The following EXOC6B variants were observed in gnomAD, a reference collection of about 807,000 sequenced individuals.
EXOC6B encodes the protein exocyst complex component 6B, also known as SEC15 homolog B.
Under a neutral mutation model 113.5 loss-of-function variants are expected in EXOC6B, and 54 were observed. The ratio of observed to expected loss-of-function variants is 0.48; its 90% CI spans 0.38 to 0.60. The LOEUF is 0.60. EXOC6B is among the 20% of genes least tolerant of loss of function. EXOC6B has a pLI of 0.00. For synonymous variants in EXOC6B, 357 were observed against 339.0 expected, an observed-to-expected ratio of 1.05 and a Z score of -0.58; for missense variants, 797 against 977.5, an observed-to-expected ratio of 0.82 and a Z score of 2.46.
In EXOC6B at chr2:72,404,457, C is replaced by A. The variant is rs545807367; in HGVS notation, c.1981-24587G>T. Among the ~76,000 whole-genome samples the A allele has an allele frequency of 4.8e-4, 73 of 152,306 alleles. 1 individual carries two copies. Among genetic ancestry groups the A allele is most frequent in the Middle Eastern group, 3.4e-3 (1 of 294 alleles). On this transcript the variant is annotated intron_variant, in intron 18 of 21. Transcript: ENST00000272427. ...GAGTAGCCTAACTGGAAGGCACCCC[C>A]CAGTAGGGGCAGACTGACACCTCAC...
chr2:72,745,660 A>G (rs919966946), intron 1 of EXOC6B, among the ~76,000 whole-genome samples: 6 of 152,218 alleles, frequency 3.9e-5, no homozygotes, highest in African/African-American at 1.4e-4. Flanking sequence ...GTTACCAAAT[A>G]GGTTAAAAAC....
At position 72,596,213 on chromosome 2, in the gene EXOC6B, A is replaced by C. The variant is rs896460893; in HGVS notation, c.670-20545T>G. Among the ~76,000 whole-genome samples the C allele has an allele frequency of 3.9e-5, 6 of 152,218 alleles. No individual in the cohort carries two copies. The South Asian group carries it at 8.3e-4, about 21-fold the overall frequency. ...ACAACAAGAAAAAAGATGAAAAACT[A>C]GAAAACTCTTCTCAGATCCATCAGA... On this transcript the variant is annotated intron_variant, in intron 6 of 21. Coordinates refer to ENST00000272427, the MANE Select transcript of EXOC6B (RefSeq NM_015189.3).
chr2:72,627,181 C>T (rs1220392364), intron 6 of EXOC6B, among the ~76,000 whole-genome samples: 1 of 152,130 alleles, frequency 6.6e-6, no homozygotes, highest in Non-Finnish European at 1.5e-5. Context: ...AAATCAGTGT[C>T]TTGTTTTTCT....
At chr2:72,580,784 C>T (rs1405609101) in intron 6 of EXOC6B, among the ~76,000 whole-genome samples, 1 of 152,196 alleles carries the variant, frequency 6.6e-6, no homozygotes, top group East Asian at 1.9e-4. Context: ...ACAAGAAGTA[C>T]TCAGCACTCC....
At chr2:72,548,906 A>T (rs1239494015) in intron 8 of EXOC6B, among the ~76,000 whole-genome samples, 1 of 152,138 alleles carries the variant, frequency 6.6e-6, no homozygotes, top group Non-Finnish European at 1.5e-5. Context: ...GCTGGATGAC[A>T]CAAGTAAAAA....
intron 6 of EXOC6B, among the ~76,000 whole-genome samples, chr2:72,687,195 T>C (rs1282030340): frequency 6.6e-6 from 1 of 152,192 alleles, no homozygotes; most frequent in East Asian, 1.9e-4. Context: ...TTCTTATGTT[T>C]TTCTTACTTT....
intron 6 of EXOC6B, among the ~76,000 whole-genome samples, chr2:72,621,746 C>T (rs866430964): frequency 1.1e-4 from 16 of 152,262 alleles, no homozygotes; most frequent in Middle Eastern, 3.4e-3. Context: ...CTTTGTCTCA[C>T]ATGTACATTA....
intron 18 of EXOC6B, among the ~76,000 whole-genome samples, chr2:72,395,302 G>C (rs998115915): frequency 6.6e-5 from 10 of 152,072 alleles, no homozygotes; most frequent in Non-Finnish European, 1.0e-4. Flanking sequence ...ACGCCTGACT[G>C]TCTGCCAGCC....
chr2:72,671,111 T>C (rs897414841), intron 6 of EXOC6B, among the ~76,000 whole-genome samples: 16 of 152,188 alleles, frequency 1.1e-4, no homozygotes, highest in Admixed American at 9.8e-4. Flanking sequence ...GGACAAAGAT[T>C]TTTTGTGTAG....
intron 20 of EXOC6B, among the ~76,000 whole-genome samples, chr2:72,315,708 T>C (rs1261774594): frequency 1.3e-5 from 2 of 152,124 alleles, no homozygotes; most frequent in East Asian, 1.9e-4. Context: ...GATGACTCCA[T>C]AGTTTCTAGT....
chr2:72,367,619 C>T (rs183000418), intron 19 of EXOC6B, among the ~76,000 whole-genome samples: 33 of 152,008 alleles, frequency 2.2e-4, no homozygotes, highest in African/African-American at 7.2e-4. Flanking sequence ...TACATCATAT[C>T]GCTAAAAGAG....
rs955357858 is a variant in EXOC6B, at chr2:72,763,818, T to C, written c.114-22349A>G. Among the ~76,000 whole-genome samples, 9 of 152,130 alleles carry C rather than the reference T, an allele frequency of 5.9e-5. No homozygotes were observed. The East Asian group carries it at 1.7e-3, about 29-fold the overall frequency. On this transcript the variant is annotated intron_variant, in intron 1 of 21. Transcript: ENST00000272427. ...AATATTGGATGGGTGTGGTGGCTCA[T>C]ACCTGTAAACCCAGCAGCTTGAGAG...
At chr2:72,183,977 T>C in intron 21 of EXOC6B, 98 bp downstream of exon 21, 1 of 640,694 alleles carries the variant, frequency 1.6e-6, no homozygotes. Context: ...AACAAGGCTA[T>C]CTTTCAAGGT....
intron 12 of EXOC6B, 55 bp from the exon 13 acceptor site, chr2:72,498,606 G>GTTT (rs74263957): frequency 5.4e-4 from 452 of 842,702 alleles, no homozygotes; most frequent in African/African-American, 1.3e-3. Context: ...TTTTTTTTCG[G>GTTT]TTTTTTTTTT....
At chr2:72,814,966 G>C (rs1008990803) in intron 1 of EXOC6B, among the ~76,000 whole-genome samples, 1 of 152,198 alleles carries the variant, frequency 6.6e-6, no homozygotes, top group Admixed American at 6.5e-5. Context: ...ACTCCAGCCT[G>C]GGCGACAGAG....
chr2:72,554,189 A>C (rs1465804792), intron 8 of EXOC6B, among the ~76,000 whole-genome samples: 3 of 152,188 alleles, frequency 2.0e-5, no homozygotes, highest in Non-Finnish European at 4.4e-5. Flanking sequence ...CACCATAGAC[A>C]TCTCAATAGC....
intron 1 of EXOC6B, among the ~76,000 whole-genome samples, chr2:72,769,507 T>C (rs1388482921): frequency 6.6e-6 from 1 of 152,140 alleles, no homozygotes; most frequent in African/African-American, 2.4e-5. Context: ...CTTTGAGTAA[T>C]GTCTAATAAC....
At chr2:72,547,466 A>G (rs541143033) in intron 8 of EXOC6B, among the ~76,000 whole-genome samples, 1 of 152,324 alleles carries the variant, frequency 6.6e-6, no homozygotes, top group Admixed American at 6.5e-5. Flanking sequence ...TGAGAAGATG[A>G]TGTACATAGC....
chr2:72,615,831 T>C (rs181362268), intron 6 of EXOC6B, among the ~76,000 whole-genome samples: 16 of 152,224 alleles, frequency 1.1e-4, no homozygotes, highest in Non-Finnish European at 1.5e-4. Context: ...GCATGGTTAT[T>C]ATAGAAGACA....
Sources: allele counts gnomAD v4.1 joint callset (sites outside exome capture counted in the v4.1 genomes callset), GRCh38; gene constraint gnomAD v4.1.1; transcripts MANE v1.5; gene names NCBI Gene and HGNC (gene_info 2026-07-23, HGNC 2026-07-21).